The following FRMD3 variants were observed in gnomAD, a reference collection of about 807,000 sequenced individuals.
FRMD3 encodes FERM domain-containing protein 3.
A neutral mutation model predicts 70.2 loss-of-function variants in FRMD3; 33 were observed. The ratio of observed to expected loss-of-function variants is 0.47; its 90% CI spans 0.36 to 0.63. The LOEUF (loss-of-function observed/expected upper bound fraction) is 0.63. FRMD3 is among the 20% of genes least tolerant of loss of function. The probability of loss-of-function intolerance (pLI) is 0.00; values close to 1 mark genes in which losing one functional copy is unlikely to be tolerated. For synonymous variants in FRMD3, 279 were observed against 255.9 expected (o/e 1.09, Z -0.86); for missense variants, 632 against 711.4 (o/e 0.89, Z 1.27).
intron 1 of FRMD3, among the ~76,000 whole-genome samples, chr9:83,409,497 C>T (rs1176274909): frequency 2.6e-5 from 4 of 152,168 alleles, no homozygotes; most frequent in Admixed American, 6.5e-5. Flanking sequence ...CTTTTCCCCA[C>T]GTTAGTTCAG....
intron 1 of FRMD3, among the ~76,000 whole-genome samples, chr9:83,462,662 C>T (rs1024194459): frequency 6.6e-6 from 1 of 152,190 alleles, no homozygotes; most frequent in Non-Finnish European, 1.5e-5. Flanking sequence ...CCATCAGGAA[C>T]ACTTGGAGAT....
intron 1 of FRMD3, among the ~76,000 whole-genome samples, chr9:83,452,080 C>A (rs1046387962): frequency 6.6e-6 from 1 of 152,160 alleles, no homozygotes; most frequent in African/African-American, 2.4e-5. Context: ...CTTTTCTGGG[C>A]TCTTAGAACT....
the FRMD3 span, among the ~76,000 whole-genome samples, chr9:83,554,004 G>T: frequency 3.9e-5 from 6 of 152,180 alleles, no homozygotes; most frequent in Non-Finnish European, 7.3e-5. Context: ...TTTAACTGCA[G>T]TGTAGATTAA....
chr9:83,532,434 C>T (rs1829808399), intron 1 of FRMD3, among the ~76,000 whole-genome samples: 1 of 152,180 alleles, frequency 6.6e-6, no homozygotes, highest in Admixed American at 6.5e-5. Flanking sequence ...CTACAAAGGA[C>T]TCTCTCATAA....
chr9:83,460,008 G>C (rs945031684), intron 1 of FRMD3, among the ~76,000 whole-genome samples: 1 of 152,144 alleles, frequency 6.6e-6, no homozygotes, highest in African/African-American at 2.4e-5. Context: ...AATTCCATCG[G>C]GCAGGGCCCC....
Position 83,446,430 on chromosome 9 carries a change from A to G in FRMD3, c.148-56722T>C, listed in dbSNP as rs577446562. ...TCGGAGGCCGAGGCGGGCGGATCACAAGGTCAGGAAATCAAGACCATCCTG... is the reference window on the plus strand; with the variant it reads ...TCGGAGGCCGAGGCGGGCGGATCACGAGGTCAGGAAATCAAGACCATCCTG... On this transcript the variant is annotated intron_variant, in intron 1 of 13. Transcript: ENST00000304195. Among the ~76,000 whole-genome samples the G allele has an allele frequency of 7.1e-3, 1,073 of 151,982 alleles. 13 individuals carry two copies. The highest frequency in any genetic ancestry group is 0.021 in the African/African-American group (879 of 41,450).
At chr9:83,290,779 C>G in intron 12 of FRMD3, 52 bp from the exon 13 acceptor site, 1 of 1,549,702 alleles carries the variant, frequency 6.5e-7, no homozygotes, top group Non-Finnish European at 8.7e-7. Flanking sequence ...AAATGCTGGC[C>G]CCTCCATCTC....
rs1832132818 is a variant in FRMD3, at chr9:83,246,889, C to T, written c.*1029G>A. 4.1e-6 allele frequency: 4 copies of T among 985,400 alleles called. No individual in the cohort carries two copies. The highest frequency in any genetic ancestry group is 4.8e-6 in the Non-Finnish European group (4 of 829,930). 61.0% of individuals were successfully genotyped at this position (985,400 alleles called of 1,614,324 possible). The stretch of plus-strand genomic sequence containing the variant: ...CATCACTTTCATAAAATAGACCATT[C>T]GCCTGTCACCATTTGCCTGCCAGCC... On this transcript the variant is annotated 3_prime_UTR_variant, in exon 14 of 14. Coordinates refer to ENST00000304195, the MANE Select transcript of FRMD3 (RefSeq NM_174938.6).
the FRMD3 span, among the ~76,000 whole-genome samples, chr9:83,568,232 A>T: frequency 4.6e-5 from 7 of 152,294 alleles, no homozygotes; most frequent in East Asian, 1.4e-3. Context: ...CAGGGGAAAG[A>T]TTGGCACCCA....
intron 1 of FRMD3, among the ~76,000 whole-genome samples, chr9:83,407,597 G>A (rs1231897858): frequency 4.0e-4 from 61 of 152,172 alleles, no homozygotes; most frequent in Non-Finnish European, 4.4e-5. Flanking sequence ...AATCCACTGA[G>A]AATAGAATAT....
At chr9:83,523,167 G>A (rs1381742814) in intron 1 of FRMD3, among the ~76,000 whole-genome samples, 1 of 150,496 alleles carries the variant, frequency 6.6e-6, no homozygotes, top group Non-Finnish European at 1.5e-5. Flanking sequence ...TGGATGGATG[G>A]ATGGATGGAT....
chr9:83,274,608 T>A (rs1288770533), intron 13 of FRMD3, among the ~76,000 whole-genome samples: 2 of 151,874 alleles, frequency 1.3e-5, no homozygotes, highest in African/African-American at 4.8e-5. Context: ...AGGAGAAGCT[T>A]TGTCTGAGAG....
intron 2 of FRMD3, 131 bp from the exon 3 acceptor site, chr9:83,373,086 C>T: frequency 1.4e-6 from 1 of 716,872 alleles, no homozygotes; most frequent in Admixed American, 2.4e-5. Context: ...ATTCCACACT[C>T]TGAAGACCAA....
intron 1 of FRMD3, among the ~76,000 whole-genome samples, chr9:83,441,831 T>A (rs1002034351): frequency 2.6e-5 from 4 of 151,894 alleles, no homozygotes; most frequent in African/African-American, 9.7e-5. Flanking sequence ...TGCCTTTACA[T>A]ACAAACAGAG....
At chr9:83,515,162 C>T (rs1829426920) in intron 1 of FRMD3, among the ~76,000 whole-genome samples, 1 of 152,146 alleles carries the variant, frequency 6.6e-6, no homozygotes. Flanking sequence ...TGAGTAATAA[C>T]AAACTCCTCT....
At chr9:83,299,425 A>G (rs750423075) in intron 10 of FRMD3, among the ~76,000 whole-genome samples, 4 of 152,200 alleles carry the variant, frequency 2.6e-5, no homozygotes, top group Non-Finnish European at 5.9e-5. Flanking sequence ...TTTTAAATTC[A>G]TGACCCACAT....
At chr9:83,407,040 C>T (rs749713007) in intron 1 of FRMD3, among the ~76,000 whole-genome samples, 10 of 152,160 alleles carry the variant, frequency 6.6e-5, no homozygotes, top group East Asian at 1.9e-4. Flanking sequence ...GCAGAGAGTT[C>T]GCTGCAGATC....
intron 1 of FRMD3, among the ~76,000 whole-genome samples, chr9:83,533,452 C>A (rs552731825): frequency 7.5e-4 from 114 of 152,276 alleles, no homozygotes; most frequent in Middle Eastern, 3.4e-3. Flanking sequence ...TAACCAAATT[C>A]TTTTGTTTTA....
intron 6 of FRMD3, among the ~76,000 whole-genome samples, chr9:83,331,247 C>A (rs1836247381): frequency 6.6e-6 from 1 of 152,114 alleles, no homozygotes; most frequent in South Asian, 2.1e-4. Flanking sequence ...TACATACAGA[C>A]AATGGAATAT....
Sources: gnomAD v4.1 joint callset for allele counts (sites outside exome capture counted in the v4.1 genomes callset) on GRCh38, gnomAD v4.1.1 for gene constraint, MANE v1.5 for transcripts, NCBI Gene and HGNC (gene_info 2026-07-23, HGNC 2026-07-21) for gene names.